Variants in GGH observed in about 807,000 individuals in gnomAD.
The protein encoded by GGH is gamma-Glu-X carboxypeptidase.
In GGH, 18 loss-of-function variants were observed where a neutral mutation model predicts 39.2. The observed-to-expected ratio is 0.46, with a 90% CI of 0.32 to 0.68. The LOEUF is 0.68. GGH is among the 30% of genes least tolerant of loss of function. The pLI is 0.04. For synonymous variants in GGH, 147 were observed against 138.8 expected, an observed-to-expected ratio of 1.06 and a Z score of -0.42; for missense variants, 367 against 384.1, an observed-to-expected ratio of 0.96 and a Z score of 0.37.
intron 2 of GGH, among the ~76,000 whole-genome samples, chr8:63,032,973 A>G (rs1221567916): frequency 6.6e-6 from 1 of 152,150 alleles, no homozygotes; most frequent in Non-Finnish European, 1.5e-5. Context: ...CTTACCTATC[A>G]TTCCCACACC....
intron 3 of GGH, among the ~76,000 whole-genome samples, chr8:63,028,885 T>A (rs1354949575): frequency 6.6e-6 from 1 of 152,164 alleles, no homozygotes; most frequent in East Asian, 1.9e-4. Flanking sequence ...AAATGAAGTG[T>A]TTCAAAAGGT....
chr8:63,016,902 A>G (rs548076413), intron 8 of GGH, among the ~76,000 whole-genome samples: 62 of 152,314 alleles, frequency 4.1e-4, no homozygotes, highest in African/African-American at 1.4e-3. Context: ...TAAAATCACA[A>G]ACTGGTGGGT....
At chr8:63,031,795 A>T (rs1423812273) in intron 2 of GGH, among the ~76,000 whole-genome samples, 1 of 152,220 alleles carries the variant, frequency 6.6e-6, no homozygotes, top group Non-Finnish European at 1.5e-5. Flanking sequence ...GCATGTTGTC[A>T]GACATTTTTT....
chr8:63,022,883 A>G (rs1218097457), intron 7 of GGH, among the ~76,000 whole-genome samples: 2 of 152,132 alleles, frequency 1.3e-5, no homozygotes, highest in East Asian at 1.9e-4. Context: ...TTTCATGCCT[A>G]TATTTTCAAG....
intron 3 of GGH, among the ~76,000 whole-genome samples, chr8:63,029,208 T>C (rs960588939): frequency 1.3e-5 from 2 of 152,218 alleles, no homozygotes; most frequent in African/African-American, 2.4e-5. Flanking sequence ...ATCTGCTGTG[T>C]TGATTTGGTA....
At chr8:63,028,160 T>C (rs1259717120) in intron 3 of GGH, 1 of 152,090 alleles carries the variant, frequency 6.6e-6, no homozygotes, top group Admixed American at 6.6e-5. Flanking sequence ...GAGACAAACA[T>C]GAGTGGCTTT....
chr8:63,033,738 G>A (rs1804847418), intron 2 of GGH, among the ~76,000 whole-genome samples: 1 of 151,946 alleles, frequency 6.6e-6, no homozygotes, highest in African/African-American at 2.4e-5. Flanking sequence ...CAGGTAGTGA[G>A]CACAGTATCC....
At chr8:63,026,097 T>C (rs1048654781) in intron 5 of GGH, 61 bp downstream of exon 5, 5 of 1,326,870 alleles carry the variant, frequency 3.8e-6, no homozygotes, top group Non-Finnish European at 4.1e-6. Context: ...ACTTTCATAT[T>C]TGCTACTTAC....
At chr8:63,019,060 G>A (rs1041376673) in intron 7 of GGH, among the ~76,000 whole-genome samples, 14 of 152,216 alleles carry the variant, frequency 9.2e-5, no homozygotes, top group Middle Eastern at 3.4e-3. Context: ...GCAAATTTAC[G>A]GTGAAGCTTG....
At chr8:63,027,414 A>G (rs952393199) in intron 3 of GGH, 149 bp from the exon 4 acceptor site, 3 of 525,376 alleles carry the variant, frequency 5.7e-6, no homozygotes, top group Non-Finnish European at 9.9e-6. Context: ...TAAAGAAAAA[A>G]GAAAATATAA....
rs143312763 is a variant in GGH at position 63,038,397 on chromosome 8, C to T, written c.109+263G>A. Among the ~76,000 whole-genome samples the T allele has an allele frequency of 8.6e-3, 1,303 of 152,300 alleles. 20 individuals carry two copies. Among genetic ancestry groups the T allele is most frequent in the African/African-American group, 0.029 (1,201 of 41,566 alleles). ...TAGCTGTGTACAAAAAAAGAAAATC[C>T]GCAGGATTCTTCATGGTGCACCCTC... On this transcript the variant is annotated intron_variant, in intron 1 of 8. Coordinates refer to ENST00000260118, the MANE Select transcript of GGH (RefSeq NM_003878.3).
chr8:63,030,742 T>C (rs1204391792), intron 2 of GGH, among the ~76,000 whole-genome samples: 1 of 152,032 alleles, frequency 6.6e-6, no homozygotes, highest in Non-Finnish European at 1.5e-5. Context: ...ATGGTTCACA[T>C]CTAGTCTGAA....
At chr8:63,033,200 G>C (rs927018387) in intron 2 of GGH, among the ~76,000 whole-genome samples, 1 of 152,192 alleles carries the variant, frequency 6.6e-6, no homozygotes, top group African/African-American at 2.4e-5. Flanking sequence ...ATCTTGGGTG[G>C]TACACTGTAA....
intron 5 of GGH, chr8:63,025,027 G>A (rs1466780665): frequency 6.6e-6 from 1 of 152,162 alleles, no homozygotes; most frequent in African/African-American, 2.4e-5. Context: ...ATCCCTATGA[G>A]AACAGAAATA....
intron 2 of GGH, 35 bp downstream of exon 2, chr8:63,035,621 C>T (rs1460634176): frequency 3.2e-6 from 5 of 1,560,166 alleles, no homozygotes; most frequent in Non-Finnish European, 4.3e-6. Flanking sequence ...ATTTTTTATA[C>T]AGAGTAAAAA....
At chr8:63,035,490 G>C (rs1804888483) in intron 2 of GGH, among the ~76,000 whole-genome samples, 166 bp downstream of exon 2, 1 of 152,052 alleles carries the variant, frequency 6.6e-6, no homozygotes, top group South Asian at 2.1e-4. Context: ...ATTTTTAGTA[G>C]AGACAGGGCT....
At chr8:63,030,285 C>T in intron 2 of GGH, 68 bp from the exon 3 acceptor site, 1 of 748,322 alleles carries the variant, frequency 1.3e-6, no homozygotes, top group Non-Finnish European at 2.3e-6. Flanking sequence ...GAAGTCTCCA[C>T]ATTTACTTTT....
chr8:63,027,074 C>T (rs1334277188), intron 4 of GGH, 107 bp downstream of exon 4: 3 of 737,218 alleles, frequency 4.1e-6, no homozygotes, highest in East Asian at 5.1e-5. Flanking sequence ...TATGATGAGG[C>T]TAAGGGTAAT....
chr8:63,028,315 A>T (rs972122479), intron 3 of GGH: 1 of 151,408 alleles, frequency 6.6e-6, no homozygotes. Context: ...TTAACTCAGT[A>T]TTTTTTTTTA....
Sources: gnomAD v4.1 joint callset for allele counts (sites outside exome capture counted in the v4.1 genomes callset) on GRCh38, gnomAD v4.1.1 for gene constraint, MANE v1.5 for transcripts, NCBI Gene and HGNC (gene_info 2026-07-23, HGNC 2026-07-21) for gene names.